Variants in ANKS1B observed in about 807,000 individuals in gnomAD.
ANKS1B encodes ankyrin repeat and sterile alpha motif domain containing 1B, also known as ankyrin repeat and sterile alpha motif domain-containing protein 1B.
In ANKS1B, 36 loss-of-function variants were observed where a neutral mutation model predicts 148.3. The observed-to-expected ratio is 0.24, with a 90% CI of 0.19 to 0.32. The LOEUF (loss-of-function observed/expected upper bound fraction) is 0.32, where lower values mean the gene tolerates loss of function less well. Ranked by LOEUF, ANKS1B falls within the 10% of genes least tolerant of loss-of-function variation. The pLI is 1.00. For missense variants in ANKS1B, 1,157 were observed against 1,542.6 expected (o/e 0.75, Z 4.19); for synonymous variants, 542 against 560.8 (o/e 0.97, Z 0.47).
At chr12:99,413,161 G>A (rs1338807962) in intron 11 of ANKS1B, among the ~76,000 whole-genome samples, 1 of 152,134 alleles carries the variant, frequency 6.6e-6, no homozygotes, top group East Asian at 1.9e-4. Context: ...GAAATTTGTT[G>A]TCTCATTGAA....
At chr12:99,231,253 T>C (rs1048835959) in intron 14 of ANKS1B, among the ~76,000 whole-genome samples, 4 of 152,100 alleles carry the variant, frequency 2.6e-5, no homozygotes, top group Non-Finnish European at 5.9e-5. Flanking sequence ...TCCATGCTGG[T>C]AGTTATGCTT....
intron 1 of ANKS1B, among the ~76,000 whole-genome samples, chr12:99,943,041 G>C (rs1224028828): frequency 4.6e-5 from 7 of 152,164 alleles, no homozygotes; most frequent in Admixed American, 3.9e-4. Flanking sequence ...TCGACAAAAT[G>C]TGCTGAGGTG....
intron 4 of ANKS1B, among the ~76,000 whole-genome samples, chr12:99,784,084 C>G (rs1488351272): frequency 3.3e-5 from 5 of 151,910 alleles, no homozygotes; most frequent in Non-Finnish European, 7.4e-5. Flanking sequence ...ATATTTTCTC[C>G]CTGCTTTCCT....
At chr12:98,922,154 G>A (rs925373834) in intron 17 of ANKS1B, among the ~76,000 whole-genome samples, 3 of 152,122 alleles carry the variant, frequency 2.0e-5, no homozygotes, top group Non-Finnish European at 4.4e-5. Flanking sequence ...ATTATTTAGA[G>A]TTTTCTGTAA....
chr12:99,094,915 T>C (rs2055418643), intron 15 of ANKS1B, among the ~76,000 whole-genome samples: 2 of 151,992 alleles, frequency 1.3e-5, no homozygotes, highest in Admixed American at 6.6e-5. Flanking sequence ...TTGGGAGGTA[T>C]GGAAGTTGAG....
chr12:99,098,166 T>A (rs964370256), intron 15 of ANKS1B, among the ~76,000 whole-genome samples: 4 of 152,196 alleles, frequency 2.6e-5, no homozygotes, highest in African/African-American at 9.7e-5. Context: ...AATGGAAGCA[T>A]AAAGATTACT....
intron 17 of ANKS1B, among the ~76,000 whole-genome samples, chr12:98,873,669 A>C: frequency 6.6e-6 from 1 of 152,130 alleles, no homozygotes; most frequent in East Asian, 1.9e-4. Context: ...CTGCTCTGAA[A>C]CCGGCCCTAG....
chr12:98,994,134 A>G (rs556264304), intron 17 of ANKS1B, among the ~76,000 whole-genome samples: 6 of 152,314 alleles, frequency 3.9e-5, no homozygotes, highest in African/African-American at 1.4e-4. Context: ...GTATGATACA[A>G]GCAGAACCAT....
At chr12:99,301,820 T>A (rs1294140368) in intron 12 of ANKS1B, among the ~76,000 whole-genome samples, 8 of 152,102 alleles carry the variant, frequency 5.3e-5, no homozygotes, top group Non-Finnish European at 1.2e-4. Flanking sequence ...TACACAGTGT[T>A]ATATAAAAAA....
At chr12:98,792,396 A>G (rs1190194330) in intron 22 of ANKS1B, among the ~76,000 whole-genome samples, 1 of 152,182 alleles carries the variant, frequency 6.6e-6, no homozygotes, top group Non-Finnish European at 1.5e-5. Context: ...GTGTAATGAC[A>G]AATAGGGGTA....
chr12:99,320,409 C>G (rs893471363), intron 12 of ANKS1B, among the ~76,000 whole-genome samples: 1 of 152,156 alleles, frequency 6.6e-6, no homozygotes, highest in East Asian at 1.9e-4. Context: ...TCTTTTTCCT[C>G]TAAACTTCTC....
At chr12:98,857,493 T>TA (rs1449986533) in intron 17 of ANKS1B, among the ~76,000 whole-genome samples, 1 of 148,984 alleles carries the variant, frequency 6.7e-6, no homozygotes, top group Non-Finnish European at 1.5e-5. Context: ...GCTTTGGAGA[T>TA]AAAAAGGGAC....
intron 17 of ANKS1B, among the ~76,000 whole-genome samples, chr12:98,897,075 A>G (rs1159148938): frequency 6.6e-6 from 1 of 152,098 alleles, no homozygotes; most frequent in Non-Finnish European, 1.5e-5. Flanking sequence ...TGTCTGCACT[A>G]CCTCTAGAGA....
At chr12:99,729,813 C>A (rs974068773) in intron 8 of ANKS1B, among the ~76,000 whole-genome samples, 10 of 152,192 alleles carry the variant, frequency 6.6e-5, no homozygotes, top group African/African-American at 2.4e-4. Flanking sequence ...TAATGACTAG[C>A]TGGACTATTT....
rs184716281 is a variant in ANKS1B at position 99,423,196 on chromosome 12, A to T, written c.1575+20477T>A. ...TGTTAAGGGCCCAGAAGAGATTGAG[A>T]ACTATGAATTTATAACATTAAAATA... On this transcript the variant is annotated intron_variant, in intron 11 of 26. Transcript: ENST00000683438. 9.2e-5 allele frequency among the ~76,000 whole-genome samples: 14 copies of T among 152,206 alleles called. No homozygotes were observed. In the East Asian group the frequency reaches 1.7e-3, roughly 19 times the overall value.
intron 15 of ANKS1B, among the ~76,000 whole-genome samples, chr12:99,111,469 T>A (rs1163590220): frequency 6.6e-6 from 1 of 152,166 alleles, no homozygotes; most frequent in Non-Finnish European, 1.5e-5. Flanking sequence ...TTGACTCAGC[T>A]GCCGCTTAAT....
Position 98,961,649 on chromosome 12 carries a change from G to A in ANKS1B, c.2778+91508C>T, listed in dbSNP as rs188654587. The stretch of plus-strand genomic sequence containing the variant: ...CATATCTCAAGTAGAAAGACTAAAA[G>A]ATCAACCAATCAAAAATAATAACTA... On this transcript the variant is annotated intron_variant, in intron 17 of 26. Coordinates refer to ENST00000683438, the MANE Select transcript of ANKS1B (RefSeq NM_001352186.2). 3.3e-5 allele frequency among the ~76,000 whole-genome samples: 5 copies of A among 151,968 alleles called. No homozygotes were observed. The East Asian group carries it at 9.6e-4, about 29-fold the overall frequency.
chr12:99,281,155 T>C (rs1478917239), intron 12 of ANKS1B, among the ~76,000 whole-genome samples: 1 of 152,162 alleles, frequency 6.6e-6, no homozygotes, highest in Non-Finnish European at 1.5e-5. Context: ...AGAAGAGAGC[T>C]GCCTAGTCTA....
chr12:99,309,152 C>G (rs2082786423), intron 12 of ANKS1B, among the ~76,000 whole-genome samples: 1 of 151,710 alleles, frequency 6.6e-6, no homozygotes, highest in Admixed American at 6.6e-5. Flanking sequence ...CCTTTTCAAC[C>G]ATTATGCCTT....
Sources: allele counts gnomAD v4.1 joint callset (sites outside exome capture counted in the v4.1 genomes callset), GRCh38; gene constraint gnomAD v4.1.1; transcripts MANE v1.5; gene names NCBI Gene and HGNC (gene_info 2026-07-23, HGNC 2026-07-21).